INSC: variants seen among roughly 807,000 people sequenced by gnomAD.
INSC encodes the protein INSC spindle orientation adaptor protein, also known as protein inscuteable homolog.
A neutral mutation model predicts 58.6 loss-of-function variants in INSC; 67 were observed. That is an observed-to-expected ratio of 1.14 (90% confidence interval 0.94 to 1.40). The LOEUF is 1.40. Ranked by LOEUF, INSC falls within the 40% of genes most tolerant of loss-of-function variation. INSC has a pLI of 0.00. For missense variants in INSC, 714 were observed against 692.0 expected (o/e 1.03, Z -0.36); for synonymous variants, 262 against 276.1 (o/e 0.95, Z 0.51).
chr11:15,189,556 T>A (rs1329205359), intron 5 of INSC, among the ~76,000 whole-genome samples: 12 of 152,184 alleles, frequency 7.9e-5, no homozygotes, highest in African/African-American at 2.9e-4. Flanking sequence ...ACTGTATAGA[T>A]GAGGAAACTG....
chr11:15,190,678 C>A, intron 5 of INSC, 23 bp from the exon 6 acceptor site: 1 of 1,540,942 alleles, frequency 6.5e-7, no homozygotes, highest in Non-Finnish European at 9.0e-7. Context: ...TAACTACTAG[C>A]TAACTTTTCT....
intron 1 of INSC, among the ~76,000 whole-genome samples, chr11:15,118,045 A>G (rs1320360964): frequency 6.6e-6 from 1 of 151,978 alleles, no homozygotes; most frequent in Non-Finnish European, 1.5e-5. Context: ...CCCCTTCCTC[A>G]TGTGACCCTG....
rs970962883 is a variant in INSC at position 15,149,231 on chromosome 11, G to A, written c.56+1G>A. The A allele has an allele frequency of 6.2e-7, 1 of 1,602,996 alleles. No individual in the cohort carries two copies. Among genetic ancestry groups the A allele is most frequent in the Non-Finnish European group, 8.5e-7 (1 of 1,174,966 alleles). The stretch of plus-strand genomic sequence containing the variant: ...ACTCCGTCACCCTGCCGGGTCAGCG[G>A]TAAGTCCTACAGCTGTCACTCCAGG... On this transcript the variant is annotated splice_donor_variant, in intron 2 of 12. Coordinates refer to ENST00000379556, the MANE Select transcript of INSC (RefSeq NM_001042536.3). LOFTEE classifies it high-confidence loss of function.
chr11:15,240,552 C>A, intron 12 of INSC, 29 bp downstream of exon 12: 1 of 1,598,246 alleles, frequency 6.3e-7, no homozygotes. Context: ...CCCAGCTTTT[C>A]CCCTGGCCTT....
intron 7 of INSC, among the ~76,000 whole-genome samples, chr11:15,212,913 A>G (rs1011538250): frequency 2.0e-5 from 3 of 152,230 alleles, no homozygotes; most frequent in Non-Finnish European, 4.4e-5. Context: ...GATTTCAGGG[A>G]AAAAGCTGTC....
the INSC span, among the ~76,000 whole-genome samples, chr11:15,263,651 G>A: frequency 6.6e-6 from 1 of 152,098 alleles, no homozygotes; most frequent in African/African-American, 2.4e-5. Context: ...CACAAATGTA[G>A]TATCTTACAG....
chr11:15,235,385 A>G (rs1430029006), intron 9 of INSC, among the ~76,000 whole-genome samples: 1 of 152,166 alleles, frequency 6.6e-6, no homozygotes, highest in Non-Finnish European at 1.5e-5. Flanking sequence ...TCCTATAGCC[A>G]TAGGCTGATA....
rs1299775811 is a variant in INSC, at chr11:15,212,523, A to C, written c.820-8954A>C. On this transcript the variant is annotated intron_variant, in intron 7 of 12. Transcript: ENST00000379556. The stretch of plus-strand genomic sequence containing the variant: ...AGAGTACATCTCTCTACATCATACA[A>C]ACTGTCTTTAATTTCTCTCAGCAAT... Among the ~76,000 whole-genome samples the C allele has an allele frequency of 1.3e-5, 2 of 152,234 alleles. 1 individual carries two copies. Among genetic ancestry groups the C allele is most frequent in the Non-Finnish European group, 2.9e-5 (2 of 68,044 alleles).
At chr11:15,210,886 G>A (rs1300737596) in intron 7 of INSC, among the ~76,000 whole-genome samples, 1 of 152,044 alleles carries the variant, frequency 6.6e-6, no homozygotes, top group African/African-American at 2.4e-5. Flanking sequence ...AATTTGGTAG[G>A]CAGGATCCAC....
At chr11:15,184,683 C>T (rs950534644) in intron 5 of INSC, among the ~76,000 whole-genome samples, 17 of 152,184 alleles carry the variant, frequency 1.1e-4, no homozygotes, top group Admixed American at 7.9e-4. Context: ...CATGAGCCGC[C>T]ACATCCAGTG....
the INSC span, among the ~76,000 whole-genome samples, chr11:15,259,488 C>T: frequency 1.3e-5 from 2 of 152,124 alleles, no homozygotes; most frequent in African/African-American, 4.8e-5. Context: ...TCCATACTCT[C>T]CTGATATAAG....
rs551115151 is a variant in INSC at position 15,157,266 on chromosome 11, C to T, written c.56+8036C>T. ...TAAGGAAATCAAACCCAAGTCCTGG[C>T]CCCTGGCCTCTCCAGCTCCTTGGCC... On this transcript the variant is annotated intron_variant, in intron 2 of 12. Coordinates refer to ENST00000379556, the MANE Select transcript of INSC (RefSeq NM_001042536.3). Among the ~76,000 whole-genome samples, 64 of 152,344 alleles carry T rather than the reference C, an allele frequency of 4.2e-4. No homozygotes were observed. In the South Asian group the frequency reaches 0.012, roughly 30 times the overall value.
chr11:15,183,053 AATT>A (rs1849833957), intron 5 of INSC, among the ~76,000 whole-genome samples: 1 of 152,092 alleles, frequency 6.6e-6, no homozygotes, highest in African/African-American at 2.4e-5. Flanking sequence ...TGCCATTAGA[AATT>A]GTGTATTTTG....
chr11:15,219,284 A>G (rs183663682), intron 7 of INSC, among the ~76,000 whole-genome samples: 56 of 152,236 alleles, frequency 3.7e-4, no homozygotes, highest in Non-Finnish European at 5.1e-4. Flanking sequence ...TGACAATGAT[A>G]GCAAAGGTAC....
intron 1 of INSC, among the ~76,000 whole-genome samples, chr11:15,118,638 T>A (rs1316183083): frequency 6.6e-6 from 1 of 152,172 alleles, no homozygotes; most frequent in Non-Finnish European, 1.5e-5. Flanking sequence ...TGTTTTTTCC[T>A]TCCCAGAAAA....
intron 6 of INSC, among the ~76,000 whole-genome samples, chr11:15,198,797 ACT>A (rs766299292): frequency 6.6e-6 from 1 of 151,690 alleles, no homozygotes; most frequent in Non-Finnish European, 1.5e-5. Flanking sequence ...TCCTTCAGTG[ACT>A]CTCTGAGTGA....
At chr11:15,178,526 G>C (rs1849653852) in intron 5 of INSC, 79 bp downstream of exon 5, 1 of 1,506,846 alleles carries the variant, frequency 6.6e-7, no homozygotes, top group Non-Finnish European at 8.9e-7. Context: ...GCTGAGCCAG[G>C]CTTGGGGAAG....
chr11:15,169,035 C>T (rs1322261687), intron 2 of INSC, among the ~76,000 whole-genome samples: 1 of 152,166 alleles, frequency 6.6e-6, no homozygotes, highest in East Asian at 1.9e-4. Context: ...TGCCAGTGTG[C>T]AGGCCTTGTT....
At chr11:15,261,778 G>A in the INSC span, among the ~76,000 whole-genome samples, 1 of 152,146 alleles carries the variant, frequency 6.6e-6, no homozygotes, top group Non-Finnish European at 1.5e-5. Context: ...CGGGAAAATG[G>A]GGTAGAGCTC....
Sources: allele counts gnomAD v4.1 joint callset (sites outside exome capture counted in the v4.1 genomes callset), GRCh38; gene constraint gnomAD v4.1.1; transcripts MANE v1.5; gene names NCBI Gene and HGNC (gene_info 2026-07-23, HGNC 2026-07-21).